The following HERC4 variants were observed in gnomAD, a reference collection of about 807,000 sequenced individuals.
The protein encoded by HERC4 is probable E3 ubiquitin-protein ligase HERC4.
In HERC4, 28 loss-of-function variants were observed where a neutral mutation model predicts 124.3. The observed-to-expected ratio is 0.23, with a 90% confidence interval of 0.17 to 0.31. The LOEUF is 0.31. Among genes scored for constraint, HERC4 ranks in the 10% least tolerant of loss-of-function variants. The pLI is 1.00. For synonymous variants in HERC4, 407 were observed against 421.5 expected (o/e 0.97, Z 0.42); for missense variants, 713 against 1,229.3 (o/e 0.58, Z 6.28).
At chr10:67,955,914 A>G (rs1477699911) in intron 17 of HERC4, 1 of 152,204 alleles carries the variant, frequency 6.6e-6, no homozygotes. Context: ...TTCTTTTATT[A>G]TGGTTCTCCC....
intron 16 of HERC4, among the ~76,000 whole-genome samples, chr10:67,961,801 A>G (rs923980169): frequency 1.3e-5 from 2 of 151,780 alleles, no homozygotes; most frequent in African/African-American, 2.4e-5. Flanking sequence ...CAGTGTAAGC[A>G]TAAGCAAAAC....
chr10:67,994,421 C>CT (rs1007593385), intron 9 of HERC4: 1 of 151,950 alleles, frequency 6.6e-6, no homozygotes, highest in African/African-American at 2.4e-5. Flanking sequence ...CCTTAATTTC[C>CT]TTTTTTTATT....
At chr10:68,003,808 C>T (rs753077113) in intron 9 of HERC4, among the ~76,000 whole-genome samples, 3 of 152,106 alleles carry the variant, frequency 2.0e-5, no homozygotes, top group Non-Finnish European at 4.4e-5. Context: ...ATGAATAGTG[C>T]TGCAATAAAC....
chr10:67,943,357 A>C (rs2033076011), intron 19 of HERC4, among the ~76,000 whole-genome samples: 1 of 152,260 alleles, frequency 6.6e-6, no homozygotes, highest in East Asian at 1.9e-4. Flanking sequence ...AGGTAAGAGC[A>C]ATAAAGAGAT....
intron 7 of HERC4, among the ~76,000 whole-genome samples, chr10:68,027,169 T>C (rs530343618): frequency 2.6e-5 from 4 of 152,382 alleles, no homozygotes. Context: ...CTTTATATCC[T>C]GCTTTCATCA....
intron 9 of HERC4, among the ~76,000 whole-genome samples, chr10:68,006,414 C>T (rs1272697406): frequency 1.3e-5 from 2 of 150,394 alleles, no homozygotes; most frequent in South Asian, 2.1e-4. Flanking sequence ...TCTTGCTGTC[C>T]GGGCTGGAGT....
At chr10:68,040,888 C>CAA (rs1251801625) in intron 4 of HERC4, among the ~76,000 whole-genome samples, 3 of 61,160 alleles carry the variant, frequency 4.9e-5, no homozygotes, top group Non-Finnish European at 6.8e-5. Flanking sequence ...AATTCCGTCT[C>CAA]AAAAAAAAAA....
intron 15 of HERC4, among the ~76,000 whole-genome samples, chr10:67,977,812 T>C (rs749400156): frequency 6.6e-6 from 1 of 151,448 alleles, no homozygotes; most frequent in Non-Finnish European, 1.5e-5. Context: ...AGAAACACTA[T>C]CTCCACAAAA....
At chr10:68,036,984 C>A (rs1199676497) in intron 5 of HERC4, among the ~76,000 whole-genome samples, 6 of 151,670 alleles carry the variant, frequency 4.0e-5, no homozygotes, top group Admixed American at 2.6e-4. Flanking sequence ...AAACCTGTCT[C>A]TTAATTTATC....
Position 67,932,783 on chromosome 10 carries a change from A to G in HERC4, c.2655-3T>C. 1 of 1,587,924 alleles carries G rather than the reference A, an allele frequency of 6.3e-7. No individual in the cohort carries two copies. The highest frequency in any genetic ancestry group is 8.5e-7 in the Non-Finnish European group (1 of 1,173,992). On this transcript the variant is annotated splice_region_variant and splice_polypyrimidine_tract_variant and intron_variant, in intron 22 of 24. Coordinates refer to ENST00000373700, the MANE Select transcript of HERC4 (RefSeq NM_015601.4). ...CATAAGCATCGACAAACTCTTGCCTAGAAATGAAAAAGCACACATGTACAG... is the reference window on the plus strand; with the variant it reads ...CATAAGCATCGACAAACTCTTGCCTGGAAATGAAAAAGCACACATGTACAG...
At chr10:67,992,960 A>G in intron 9 of HERC4, 1 of 225,270 alleles carries the variant, frequency 4.4e-6, no homozygotes, top group Non-Finnish European at 8.6e-6. Flanking sequence ...TCTAATCTGC[A>G]TCTCAGTATA....
chr10:68,007,219 T>C (rs549147981), intron 9 of HERC4, among the ~76,000 whole-genome samples: 3 of 152,204 alleles, frequency 2.0e-5, no homozygotes, highest in South Asian at 4.1e-4. Flanking sequence ...TAATTCTTTC[T>C]TCTGCTTGAT....
rs191405271 is a variant in HERC4 at position 68,047,916 on chromosome 10, A to G, written c.227-3353T>C. Among the ~76,000 whole-genome samples, 312 of 151,328 alleles carry G rather than the reference A, an allele frequency of 2.1e-3. 2 individuals are homozygous for G. The highest frequency in any genetic ancestry group is 4.5e-3 in the Admixed American group (68 of 15,106). On this transcript the variant is annotated intron_variant, in intron 3 of 24. Coordinates refer to ENST00000373700, the MANE Select transcript of HERC4 (RefSeq NM_015601.4). ...TGTCCACATAAACACCTGCACATGA[A>G]TGTTTTGTTTTTGTTTTTTTTTTTG...
At chr10:67,968,467 G>C (rs1387125446) in intron 15 of HERC4, among the ~76,000 whole-genome samples, 1 of 151,374 alleles carries the variant, frequency 6.6e-6, no homozygotes, top group African/African-American at 2.4e-5. Context: ...CCGCCTCTCA[G>C]GTTCATGCCA....
At chr10:67,943,949 G>T (rs2033124686) in intron 19 of HERC4, among the ~76,000 whole-genome samples, 1 of 152,216 alleles carries the variant, frequency 6.6e-6, no homozygotes, top group Non-Finnish European at 1.5e-5. Context: ...CACCAGGTAG[G>T]TTCCTTAAGG....
intron 9 of HERC4, chr10:68,010,356 G>C: frequency 1.1e-6 from 1 of 942,952 alleles, no homozygotes. Flanking sequence ...TGAGGCCATA[G>C]GAAAGGACAC....
intron 3 of HERC4, among the ~76,000 whole-genome samples, chr10:68,057,228 T>C (rs1310483427): frequency 6.6e-6 from 1 of 152,114 alleles, no homozygotes; most frequent in Non-Finnish European, 1.5e-5. Context: ...ATTATTCAGA[T>C]TGGTGTGAAA....
At chr10:68,058,222 A>T (rs1480406810) in intron 3 of HERC4, among the ~76,000 whole-genome samples, 2 of 152,184 alleles carry the variant, frequency 1.3e-5, no homozygotes, top group Non-Finnish European at 2.9e-5. Flanking sequence ...ATAATTTTTT[A>T]AAATTTTGGC....
chr10:67,962,682 T>G (rs922871632), intron 16 of HERC4, among the ~76,000 whole-genome samples: 2 of 152,158 alleles, frequency 1.3e-5, no homozygotes, highest in African/African-American at 4.8e-5. Context: ...AAGAGTTTGG[T>G]AGTAACCAAT....
Sources: allele counts gnomAD v4.1 joint callset (sites outside exome capture counted in the v4.1 genomes callset), GRCh38; gene constraint gnomAD v4.1.1; transcripts MANE v1.5; gene names NCBI Gene and HGNC (gene_info 2026-07-23, HGNC 2026-07-21).